The following JCAD variants were observed in gnomAD, a reference collection of about 807,000 sequenced individuals.
JCAD encodes junctional cadherin 5-associated protein.
In JCAD, 40 loss-of-function variants were observed where a neutral mutation model predicts 98.0. The ratio of observed to expected loss-of-function variants is 0.41; its 90% CI spans 0.32 to 0.53. The LOEUF (loss-of-function observed/expected upper bound fraction) is 0.53, where lower values mean the gene tolerates loss of function less well. JCAD is among the 20% of genes least tolerant of loss of function. The pLI is 0.31. For synonymous variants in JCAD, 691 were observed against 682.3 expected (o/e 1.01, Z -0.20); for missense variants, 1,705 against 1,738.1 (o/e 0.98, Z 0.34).
chr10:30,019,551 T>TAAAA (rs67228973), intron 3 of JCAD, among the ~76,000 whole-genome samples: 1 of 141,348 alleles, frequency 7.1e-6, no homozygotes, highest in Non-Finnish European at 1.5e-5. Context: ...TGGAATCATT[T>TAAAA]AAAAAAAAAA....
chr10:30,090,900 C>T (rs1242872890), intron 1 of JCAD, among the ~76,000 whole-genome samples: 5 of 152,178 alleles, frequency 3.3e-5, no homozygotes, highest in East Asian at 1.9e-4. Flanking sequence ...AAATGCCAGC[C>T]GGATGCAGGC....
chr10:30,053,636 G>T (rs988498011), intron 1 of JCAD, among the ~76,000 whole-genome samples: 1 of 151,742 alleles, frequency 6.6e-6, no homozygotes, highest in Admixed American at 6.6e-5. Context: ...AAACCCTATG[G>T]AATAATCTCA....
chr10:30,091,714 ATTT>A (rs11307523), intron 1 of JCAD, among the ~76,000 whole-genome samples: 36 of 81,772 alleles, frequency 4.4e-4, no homozygotes, highest in African/African-American at 1.4e-3. Flanking sequence ...AAGTTTTTAA[ATTT>A]TTTTTTTTTT....
At chr10:30,031,383 C>T (rs181686475) in intron 2 of JCAD, among the ~76,000 whole-genome samples, 70 of 151,622 alleles carry the variant, frequency 4.6e-4, no homozygotes, top group Non-Finnish European at 2.1e-4. Context: ...CTCCCACCTC[C>T]GCCTCCTCAT....
rs550708508 is a variant in JCAD, at chr10:30,112,265, G to A, written n.128+3102C>T. ...GATGTAGGAGGATCACTTGAAGCCA[G>A]GAGTTCAAGACCAGCCTGGGCAACA... On this transcript the variant is annotated intron_variant and non_coding_transcript_variant, in intron 1 of 2. Coordinates refer to the JCAD transcript ENST00000465712. Among the ~76,000 whole-genome samples, 26 of 152,168 alleles carry A rather than the reference G, an allele frequency of 1.7e-4. 1 individual carries two copies. The South Asian group carries it at 5.4e-3, about 32-fold the overall frequency.
Position 30,104,170 on chromosome 10 carries a change from G to T in JCAD, n.128+11197C>A, listed in dbSNP as rs142046902. On this transcript the variant is annotated intron_variant and non_coding_transcript_variant, in intron 1 of 2. Coordinates refer to the JCAD transcript ENST00000465712. Reference sequence around the variant, plus strand: ...AAAATGATTTCAGAGGTCGTGGAGCGTAAGTCCTGAGAGGGTTGCAGGTGG... The same window carrying T: ...AAAATGATTTCAGAGGTCGTGGAGCTTAAGTCCTGAGAGGGTTGCAGGTGG... Among the ~76,000 whole-genome samples, 312 of 152,312 alleles carry T rather than the reference G, an allele frequency of 2.0e-3. 5 individuals carry two copies. Among genetic ancestry groups the T allele is most frequent in the Non-Finnish European group, 2.5e-3 (171 of 68,028 alleles).
chr10:30,108,944 C>T (rs1358283801), intron 1 of JCAD, among the ~76,000 whole-genome samples: 1 of 151,970 alleles, frequency 6.6e-6, no homozygotes, highest in Non-Finnish European at 1.5e-5. Context: ...GTAGACTTTT[C>T]TCTGTCCTGA....
In JCAD at chr10:30,028,424, A is replaced by AT; in HGVS notation, c.1723dup (p.Met575AsnfsTer22). 1 of 1,613,996 alleles carries AT rather than the reference A, an allele frequency of 6.2e-7. No individual in the cohort carries two copies. Among genetic ancestry groups the AT allele is most frequent in the Non-Finnish European group, 8.5e-7 (1 of 1,179,976 alleles). On this transcript the variant is annotated frameshift_variant, in exon 3 of 4. Coordinates refer to ENST00000375377, the MANE Select transcript of JCAD (RefSeq NM_020848.4). LOFTEE classifies it high-confidence loss of function. Reference sequence around the variant, plus strand: ...AACCAAGCAAAATATAGTCTCGTTCATTTTTTTCTTTGAACTTTTCTTGGT... The same window carrying AT: ...AACCAAGCAAAATATAGTCTCGTTCATTTTTTTTCTTTGAACTTTTCTTGGT...
At chr10:30,042,294 G>A (rs891795564) in intron 2 of JCAD, among the ~76,000 whole-genome samples, 1 of 152,188 alleles carries the variant, frequency 6.6e-6, no homozygotes, top group Non-Finnish European at 1.5e-5. Flanking sequence ...AGTGGGGAAA[G>A]CTCAGGCACC....
chr10:30,035,939 C>T (rs74665297), intron 2 of JCAD, among the ~76,000 whole-genome samples: 2,959 of 152,102 alleles, frequency 0.019, 44 homozygotes, highest in Middle Eastern at 0.031. Flanking sequence ...ATGAGGCCAG[C>T]GAAACAACTA....
At chr10:30,082,871 AAAAAAAC>A (rs1229268289) in intron 1 of JCAD, among the ~76,000 whole-genome samples, 8 of 149,092 alleles carry the variant, frequency 5.4e-5, no homozygotes, top group East Asian at 1.9e-4. Flanking sequence ...AAAAAAAAAA[AAAAAAAC>A]AAAAAATTAG....
At chr10:30,033,875 T>C (rs964563711) in intron 2 of JCAD, among the ~76,000 whole-genome samples, 3 of 152,204 alleles carry the variant, frequency 2.0e-5, no homozygotes, top group African/African-American at 7.2e-5. Flanking sequence ...TTATTGCTAC[T>C]ATTCTTATTT....
chr10:30,081,169 C>A (rs538040534), intron 1 of JCAD, among the ~76,000 whole-genome samples: 1 of 152,284 alleles, frequency 6.6e-6, no homozygotes, highest in South Asian at 2.1e-4. Flanking sequence ...AGGGATAAGA[C>A]ATTATTGACA....
intron 1 of JCAD, among the ~76,000 whole-genome samples, chr10:30,058,887 C>A (rs1837638307): frequency 6.6e-6 from 1 of 152,198 alleles, no homozygotes; most frequent in Admixed American, 6.5e-5. Context: ...GCGCCCTAAT[C>A]CCCAGCGCAG....
rs202030577 is a variant in JCAD, at chr10:30,047,769, A to C, written c.44T>G (p.Leu15Arg). The change falls in exon 2 of 4, where the codon CTG (leucine) becomes CGG (arginine). Residue 15 changes from leucine to arginine, a missense_variant. By Grantham distance (102) the Leu-to-Arg change is moderately radical. Around this residue, in one of 3 missense-constraint regions of JCAD, gnomAD observed 152 missense variants for 148.0 expected, o/e 1.03. Transcript: ENST00000375377. Reference sequence around the variant, plus strand: ...GCGTGATGCTGGGGGGTCTCTTGACAGCTTGTATCCATGAGAGATCAGGAG... The same window carrying C: ...GCGTGATGCTGGGGGGTCTCTTGACCGCTTGTATCCATGAGAGATCAGGAG... Reference protein sequence around the residue: ...EDLLISHGYKLSRDPPASRED... With the variant: ...EDLLISHGYKRSRDPPASRED... The C allele has an allele frequency of 1.9e-6, 3 of 1,613,958 alleles. No homozygotes were observed. The highest frequency in any genetic ancestry group is 2.5e-6 in the Non-Finnish European group (3 of 1,179,998).
chr10:30,050,934 C>T (rs967366683), intron 1 of JCAD, among the ~76,000 whole-genome samples: 4 of 152,182 alleles, frequency 2.6e-5, no homozygotes, highest in Non-Finnish European at 4.4e-5. Context: ...GCAAACTTCT[C>T]GACGTAGACA....
At position 30,028,131 on chromosome 10, in the gene JCAD, T is replaced by G. The variant is rs1220043211; in HGVS notation, c.2017A>C (p.Arg673=). The change falls in exon 3 of 4, where the codon AGA becomes CGA. Residue 673 remains arginine (R), a synonymous_variant. Coordinates refer to ENST00000375377, the MANE Select transcript of JCAD (RefSeq NM_020848.4). ...DLSFIHLTKH[R]ELKHSGSWPG... Reference sequence around the variant, plus strand: ...CAAGAGCCAGAATGCTTGAGTTCTCTGTGCTTTGTAAGGTGGATGAAACTG... The same window carrying G: ...CAAGAGCCAGAATGCTTGAGTTCTCGGTGCTTTGTAAGGTGGATGAAACTG... The G allele has an allele frequency of 2.5e-6, 4 of 1,614,228 alleles. No homozygotes were observed. The Admixed American group carries it at 5.0e-5, about 20-fold the overall frequency.
chr10:30,091,060 T>C (rs1054986946), intron 1 of JCAD, among the ~76,000 whole-genome samples: 2 of 152,184 alleles, frequency 1.3e-5, no homozygotes, highest in Non-Finnish European at 2.9e-5. Flanking sequence ...ATCAAAACTC[T>C]GGAGGAGTAA....
chr10:30,108,242 G>A (rs577320972), intron 1 of JCAD, among the ~76,000 whole-genome samples: 2 of 152,100 alleles, frequency 1.3e-5, no homozygotes, highest in South Asian at 2.1e-4. Flanking sequence ...AACCTGGGAG[G>A]TGGAGGTTGC....
Sources: allele counts gnomAD v4.1 joint callset (sites outside exome capture counted in the v4.1 genomes callset), GRCh38; gene constraint gnomAD v4.1.1; regional missense constraint gnomAD v4.1.1; transcripts MANE v1.5; gene names NCBI Gene and HGNC (gene_info 2026-07-23, HGNC 2026-07-21).